Variants in DCDC2 observed in about 807,000 individuals in gnomAD.
DCDC2 encodes doublecortin domain-containing protein 2.
In DCDC2, 40 loss-of-function variants were observed where a neutral mutation model predicts 50.2. The ratio of observed to expected loss-of-function variants is 0.80; its 90% CI spans 0.62 to 1.04. The LOEUF is 1.04. Ranked by LOEUF, DCDC2 falls within the 50% of genes least tolerant of loss-of-function variation. DCDC2 has a pLI of 0.00. For synonymous variants in DCDC2, 234 were observed against 210.6 expected (o/e 1.11, Z -0.96); for missense variants, 570 against 581.9 (o/e 0.98, Z 0.21).
chr6:24,286,721 A>G (rs79208416), intron 6 of DCDC2, among the ~76,000 whole-genome samples: 22 of 152,054 alleles, frequency 1.4e-4, no homozygotes, highest in African/African-American at 5.1e-4. Context: ...TTCCAACTCA[A>G]CATGTTTGAA....
rs1259241321 is a variant in DCDC2 at position 24,357,673 on chromosome 6, G to T, written c.78C>A (p.Asp26Glu). Reference protein sequence around the residue: ...VKSVLVYRNGDPFYAGRRVVI... With the variant: ...VKSVLVYRNGEPFYAGRRVVI... ...CGACGCGGCGCCCCGCGTAGAAGGG[G>T]TCCCCGTTGCGGTACACAAGCACGC... The change falls in exon 1 of 10, where the codon GAC becomes GAA. Residue 26 changes from aspartate to glutamate, a missense_variant. Physicochemically the swap from Asp to Glu is conservative, Grantham distance 45 (BLOSUM62 2). Transcript: ENST00000378454. 6.2e-7 allele frequency: 1 copy of T among 1,613,274 alleles called. No homozygotes were observed. Among genetic ancestry groups the T allele is most frequent in the African/African-American group, 1.3e-5 (1 of 74,944 alleles).
chr6:24,273,067 A>T (rs1482487099), intron 7 of DCDC2, among the ~76,000 whole-genome samples: 2 of 55,804 alleles, frequency 3.6e-5, no homozygotes, highest in African/African-American at 8.7e-5. Context: ...GTAGATATAC[A>T]CATACATATA....
intron 2 of DCDC2, among the ~76,000 whole-genome samples, chr6:24,318,375 G>C (rs1759710284): frequency 6.6e-6 from 1 of 151,852 alleles, no homozygotes; most frequent in Non-Finnish European, 1.5e-5. Flanking sequence ...AGACATACTG[G>C]GTTTTTTGTT....
chr6:24,256,500 G>A (rs1200288532), intron 7 of DCDC2, among the ~76,000 whole-genome samples: 1 of 152,050 alleles, frequency 6.6e-6, no homozygotes, highest in Non-Finnish European at 1.5e-5. Context: ...CCTGTTGCGT[G>A]TGTGTGTGTC....
chr6:24,207,784 C>T (rs1761754907), intron 7 of DCDC2, among the ~76,000 whole-genome samples: 1 of 152,190 alleles, frequency 6.6e-6, no homozygotes, highest in South Asian at 2.1e-4. Context: ...CTCTTTCTCA[C>T]ACGTTGATTC....
At chr6:24,265,546 T>C (rs889749626) in intron 7 of DCDC2, among the ~76,000 whole-genome samples, 1 of 151,932 alleles carries the variant, frequency 6.6e-6, no homozygotes, top group Non-Finnish European at 1.5e-5. Context: ...TCAAAAAAAA[T>C]TGAAAACATA....
chr6:24,301,122 AG>A (rs1400823928), intron 4 of DCDC2, among the ~76,000 whole-genome samples: 1 of 151,732 alleles, frequency 6.6e-6, no homozygotes, highest in African/African-American at 2.4e-5. Flanking sequence ...CTGTAATCCC[AG>A]GACTTTGGGA....
chr6:24,213,693 A>G (rs1375892282), intron 7 of DCDC2, among the ~76,000 whole-genome samples: 2 of 152,192 alleles, frequency 1.3e-5, no homozygotes, highest in Non-Finnish European at 2.9e-5. Flanking sequence ...AAGCATTTCC[A>G]GAAAGGTGAC....
rs1352212105 is a variant in DCDC2 at position 24,357,953 on chromosome 6, T to C, written c.-203A>G. 6.7e-6 allele frequency: 10 copies of C among 1,496,962 alleles called. No individual in the cohort carries two copies. Among genetic ancestry groups the C allele is most frequent in the South Asian group, 1.4e-5 (1 of 72,854 alleles). 92.7% of individuals were successfully genotyped at this position (1,496,962 alleles called of 1,614,324 possible). A position where few individuals can be genotyped will look rare whatever the true frequency, so the allele number is the denominator to read the frequency against. On this transcript the variant is annotated 5_prime_UTR_variant, in exon 1 of 10. Transcript: ENST00000378454. Reference sequence around the variant, plus strand: ...CACTAGGAGCTTGCAGGACTCGGAGTAGACGCTCAAGTTTTTCACCGTGGC... The same window carrying C: ...CACTAGGAGCTTGCAGGACTCGGAGCAGACGCTCAAGTTTTTCACCGTGGC...
Position 24,343,871 on chromosome 6 carries a change from T to C in DCDC2, c.348+9698A>G, listed in dbSNP as rs530163719. Among the ~76,000 whole-genome samples the C allele has an allele frequency of 1.6e-3, 245 of 152,330 alleles. 1 individual carries two copies. Among genetic ancestry groups the C allele is most frequent in the African/African-American group, 5.7e-3 (235 of 41,562 alleles). On this transcript the variant is annotated intron_variant, in intron 2 of 9. Coordinates refer to ENST00000378454, the MANE Select transcript of DCDC2 (RefSeq NM_016356.5). ...TAATTGACAAAATTGTATGTATTTA[T>C]GGAGTACAACATAATTTTTTGATAT...
At chr6:24,326,949 C>T (rs1274767685) in intron 2 of DCDC2, among the ~76,000 whole-genome samples, 2 of 149,340 alleles carry the variant, frequency 1.3e-5, no homozygotes, top group Admixed American at 6.7e-5. Flanking sequence ...TTGCTAACTA[C>T]TCCCCAGATA....
chr6:24,320,935 G>A (rs1020009011), intron 2 of DCDC2, among the ~76,000 whole-genome samples: 8 of 149,958 alleles, frequency 5.3e-5, no homozygotes, highest in African/African-American at 2.0e-4. Flanking sequence ...TTGTGGTGCT[G>A]GAAAGTAATT....
In DCDC2 at chr6:24,172,350, C is replaced by G. The variant is rs935162259; in HGVS notation, c.*2380G>C. The G allele has an allele frequency of 2.1e-4, 32 of 152,226 alleles. No homozygotes were observed. The highest frequency in any genetic ancestry group is 7.0e-4 in the African/African-American group (29 of 41,542). The allele number at this position is 152,226 out of a possible 1,614,324, so 9.4% of individuals were successfully genotyped here. A position where few individuals can be genotyped will look rare whatever the true frequency, so the allele number is the denominator to read the frequency against. On this transcript the variant is annotated 3_prime_UTR_variant, in exon 10 of 10. Coordinates refer to ENST00000378454, the MANE Select transcript of DCDC2 (RefSeq NM_016356.5). The stretch of plus-strand genomic sequence containing the variant: ...GCACACACAAGGGATGAATATGTCC[C>G]CATTTTTAAGTTTTTTTGGTACAGT...
chr6:24,312,462 T>A (rs28921371), intron 2 of DCDC2, among the ~76,000 whole-genome samples: 4 of 151,426 alleles, frequency 2.6e-5, no homozygotes, highest in African/African-American at 9.7e-5. Flanking sequence ...TATAATAATA[T>A]TTTTTTTTAA....
intron 8 of DCDC2, among the ~76,000 whole-genome samples, chr6:24,201,460 C>T (rs1378673211): frequency 6.6e-6 from 1 of 152,138 alleles, no homozygotes; most frequent in African/African-American, 2.4e-5. Flanking sequence ...CCAATGAGAA[C>T]AAACACACAA....
At chr6:24,319,394 T>A (rs1008120290) in intron 2 of DCDC2, among the ~76,000 whole-genome samples, 1 of 152,182 alleles carries the variant, frequency 6.6e-6, no homozygotes. Flanking sequence ...GCAGGGTGTC[T>A]GTTTACTTTG....
At chr6:24,357,386 T>C in intron 1 of DCDC2, 72 bp downstream of exon 1, 2 of 1,480,394 alleles carry the variant, frequency 1.4e-6, no homozygotes, top group Non-Finnish European at 1.8e-6. Flanking sequence ...GGGGTAGGGA[T>C]CTGCATTTCT....
intron 7 of DCDC2, among the ~76,000 whole-genome samples, chr6:24,239,505 T>G (rs1407024572): frequency 1.3e-5 from 2 of 152,324 alleles, no homozygotes; most frequent in East Asian, 3.9e-4. Flanking sequence ...GCACTGCCCC[T>G]GTAACACCGA....
chr6:24,309,497 G>C (rs536970696), intron 2 of DCDC2, among the ~76,000 whole-genome samples: 222 of 152,118 alleles, frequency 1.5e-3, no homozygotes, highest in African/African-American at 5.0e-3. Flanking sequence ...TTATTTGAAG[G>C]CAAACTAAAA....
Sources: allele counts gnomAD v4.1 joint callset (sites outside exome capture counted in the v4.1 genomes callset), GRCh38; gene constraint gnomAD v4.1.1; transcripts MANE v1.5; gene names NCBI Gene and HGNC (gene_info 2026-07-23, HGNC 2026-07-21).